The following ENOX1 variants were observed in gnomAD, a reference collection of about 807,000 sequenced individuals.
ENOX1 encodes the protein candidate growth-related and time keeping constitutive hydroquinone (NADH) oxidase.
ENOX1 carries 42 observed loss-of-function variants against 82.5 expected under a neutral mutation model. The observed-to-expected ratio is 0.51, with a 90% CI of 0.40 to 0.66. The LOEUF is 0.66. Ranked by LOEUF, ENOX1 falls within the 30% of genes least tolerant of loss-of-function variation. The probability of loss-of-function intolerance (pLI) is 0.00; values close to 1 mark genes in which losing one functional copy is unlikely to be tolerated. For synonymous variants in ENOX1, 271 were observed against 282.2 expected, an observed-to-expected ratio of 0.96 and a Z score of 0.40; for missense variants, 608 against 811.6, an observed-to-expected ratio of 0.75 and a Z score of 3.05.
At position 43,616,204 on chromosome 13, in the gene ENOX1, A is replaced by AGATATATATATATATATATATTTTT. The variant is rs1555341947; in HGVS notation, c.-219+51274_-219+51275insAAAAATATATATATATATATATATC. 4.6e-4 allele frequency among the ~76,000 whole-genome samples: 7 copies of AGATATATATATATATATATATTTTT among 15,316 alleles called. 1 individual carries two copies. Among genetic ancestry groups the AGATATATATATATATATATATTTTT allele is most frequent in the Admixed American group, 3.2e-3 (2 of 622 alleles). 10.0% of individuals were successfully genotyped at this position (15,316 alleles called of 152,430 possible). A position where few individuals can be genotyped will look rare whatever the true frequency, so the allele number is the denominator to read the frequency against. The stretch of plus-strand genomic sequence containing the variant: ...TATCTATCTATATATATATATATAT[A>AGATATATATATATATATATATTTTT]TTTTTTTTTTTTTTTTAGGACGGAG... On this transcript the variant is annotated intron_variant, in intron 2 of 16. Transcript: ENST00000690772.
At chr13:43,319,129 T>C (rs1465471956) in intron 11 of ENOX1, among the ~76,000 whole-genome samples, 2 of 152,148 alleles carry the variant, frequency 1.3e-5, no homozygotes, top group African/African-American at 4.8e-5. Flanking sequence ...AACAATAAAT[T>C]TGAATTTTTA....
intron 3 of ENOX1, among the ~76,000 whole-genome samples, chr13:43,426,485 C>CT (rs988403282): frequency 6.6e-6 from 1 of 151,974 alleles, no homozygotes; most frequent in Non-Finnish European, 1.5e-5. Flanking sequence ...AGCATTATTA[C>CT]TTTTTTTTCG....
At chr13:43,537,586 C>A (rs2078519603) in intron 2 of ENOX1, among the ~76,000 whole-genome samples, 1 of 152,146 alleles carries the variant, frequency 6.6e-6, no homozygotes, top group Non-Finnish European at 1.5e-5. Context: ...ACTTTATTTT[C>A]TATGTAGTTC....
At chr13:43,376,640 A>G (rs1566070843) in intron 5 of ENOX1, among the ~76,000 whole-genome samples, 1 of 152,244 alleles carries the variant, frequency 6.6e-6, no homozygotes, top group Admixed American at 6.5e-5. Flanking sequence ...TGACTGACAC[A>G]GTCACAGCAG....
intron 15 of ENOX1, among the ~76,000 whole-genome samples, chr13:43,235,653 AC>A (rs906860349): frequency 5.9e-4 from 89 of 150,274 alleles, no homozygotes; most frequent in Admixed American, 1.2e-3. Flanking sequence ...AATCACTTGA[AC>A]CCGGCAGAAG....
At chr13:43,488,147 C>G (rs2076496201) in intron 2 of ENOX1, among the ~76,000 whole-genome samples, 1 of 152,180 alleles carries the variant, frequency 6.6e-6, no homozygotes, top group African/African-American at 2.4e-5. Flanking sequence ...AAGGTCTAAT[C>G]AAGGAGAGTT....
chr13:43,583,251 A>C (rs2080831219), intron 2 of ENOX1, among the ~76,000 whole-genome samples: 1 of 152,252 alleles, frequency 6.6e-6, no homozygotes, highest in Admixed American at 6.5e-5. Flanking sequence ...TAAAATTCTA[A>C]ATTAAATATT....
chr13:43,338,351 C>T lies in ENOX1; in HGVS notation c.1036+6187G>A, dbSNP rs759552508. 7.9e-5 allele frequency among the ~76,000 whole-genome samples: 12 copies of T among 152,232 alleles called. No individual in the cohort carries two copies. The East Asian group carries it at 1.3e-3, about 17-fold the overall frequency. On this transcript the variant is annotated intron_variant, in intron 9 of 16. Coordinates refer to ENST00000690772, the MANE Select transcript of ENOX1 (RefSeq NM_001347969.2). ...TAAAAAGCAAAGATAAAAACTCCAA[C>T]GTCTCCGAGTTGGAAAACCTGGGGA...
intron 3 of ENOX1, among the ~76,000 whole-genome samples, chr13:43,445,439 T>C (rs1196000898): frequency 6.6e-6 from 1 of 151,652 alleles, no homozygotes; most frequent in Non-Finnish European, 1.5e-5. Context: ...CTGGGTCTTA[T>C]ACATTTCTTT....
chr13:43,265,446 AC>A lies in ENOX1; in HGVS notation c.1562del (p.Gly521ValfsTer22). ...CATTGGTCTCGACCAATTCCTTGGT[AC>A]CTTTTAACTGCAAATTTTAAGGAAA... ...LLKVLQEQLKGTKELVETNGH... is the reference protein window; with the variant it reads ...LLKVLQEQLKXTKELVETNGH... On this transcript the variant is annotated frameshift_variant, in exon 14 of 17. Transcript: ENST00000690772. LOFTEE classifies it high-confidence loss of function. The A allele has an allele frequency of 6.2e-7, 1 of 1,612,142 alleles. No individual in the cohort carries two copies. The highest frequency in any genetic ancestry group is 8.5e-7 in the Non-Finnish European group (1 of 1,179,024).
rs80308039 is a variant in ENOX1, at chr13:43,455,859, T to C, written c.-75+28150A>G. Among the ~76,000 whole-genome samples, 366 of 152,158 alleles carry C rather than the reference T, an allele frequency of 2.4e-3. 2 individuals carry two copies. Among genetic ancestry groups the C allele is most frequent in the South Asian group, 0.02 (95 of 4,824 alleles). ...TGTCTTTGCCTGCCACCCTGTAAGA[T>C]GTGACTTTGTTCTTTCCTTGCCTTC... is the stretch of plus-strand genomic sequence containing the variant. On this transcript the variant is annotated intron_variant, in intron 3 of 16. Transcript: ENST00000690772.
intron 1 of ENOX1, among the ~76,000 whole-genome samples, chr13:43,716,729 C>T (rs912109031): frequency 6.6e-6 from 1 of 151,362 alleles, no homozygotes; most frequent in Non-Finnish European, 1.5e-5. Flanking sequence ...CAGTCCTATA[C>T]AGCTATAACA....
chr13:43,433,969 A>G (rs1343155338), intron 3 of ENOX1, among the ~76,000 whole-genome samples: 1 of 152,246 alleles, frequency 6.6e-6, no homozygotes, highest in Non-Finnish European at 1.5e-5. Context: ...ATGGGCCAGC[A>G]AGATATAAAG....
At chr13:43,329,342 C>T (rs115642696) in intron 9 of ENOX1, among the ~76,000 whole-genome samples, 299 of 152,218 alleles carry the variant, frequency 2.0e-3, no homozygotes, top group African/African-American at 6.9e-3. Flanking sequence ...AGTCATTTGA[C>T]AGGGAGACTT....
intron 2 of ENOX1, among the ~76,000 whole-genome samples, chr13:43,654,874 C>T (rs1215759047): frequency 2.0e-5 from 3 of 152,210 alleles, no homozygotes; most frequent in African/African-American, 7.2e-5. Flanking sequence ...ACTAATCAGA[C>T]TGTTTACCCC....
rs1488601279 is a variant in ENOX1 at position 43,665,068 on chromosome 13, A to G, written c.-219+2411T>C. Among the ~76,000 whole-genome samples the G allele has an allele frequency of 2.6e-4, 39 of 152,254 alleles. 1 individual carries two copies. Among genetic ancestry groups the G allele is most frequent in the East Asian group, 1.9e-4 (1 of 5,158 alleles). On this transcript the variant is annotated intron_variant, in intron 2 of 16. Transcript: ENST00000690772. ...GGCCTGGGCCTGACCCACACAGTCA[A>G]TCTCTAGACACTGGTCTGCCTGCTT...
intron 5 of ENOX1, among the ~76,000 whole-genome samples, chr13:43,362,776 T>C (rs2050612352): frequency 6.6e-6 from 1 of 152,216 alleles, no homozygotes; most frequent in African/African-American, 2.4e-5. Context: ...GCCAGCTACT[T>C]TGGACATTTC....
rs147189871 is a variant in ENOX1 at position 43,298,913 on chromosome 13, C to T, written c.1262-383G>A. Among the ~76,000 whole-genome samples the T allele has an allele frequency of 3.0e-3, 455 of 152,276 alleles. 3 individuals carry two copies. Among genetic ancestry groups the T allele is most frequent in the South Asian group, 0.011 (52 of 4,820 alleles). On this transcript the variant is annotated intron_variant, in intron 11 of 16. Transcript: ENST00000690772. ...CTAAATATTGTCTTCCCCCTTTCTA[C>T]GGGATTGCTTAGCTACTTGGAGGGC...
chr13:43,347,780 C>A (rs975858951), intron 8 of ENOX1, among the ~76,000 whole-genome samples: 1 of 152,138 alleles, frequency 6.6e-6, no homozygotes, highest in South Asian at 2.1e-4. Flanking sequence ...ATAAAAATTC[C>A]AAATACTTTC....
Sources: allele counts gnomAD v4.1 joint callset (sites outside exome capture counted in the v4.1 genomes callset), GRCh38; gene constraint gnomAD v4.1.1; transcripts MANE v1.5; gene names NCBI Gene and HGNC (gene_info 2026-07-23, HGNC 2026-07-21).